SRGAP2C: variants seen among roughly 807,000 people sequenced by gnomAD.
SRGAP2C encodes SLIT-ROBO Rho GTPase-activating protein 2C.
A neutral mutation model predicts 25.1 loss-of-function variants in SRGAP2C; 15 were observed. The observed-to-expected ratio is 0.60, with a 90% confidence interval of 0.40 to 0.92. The LOEUF is 0.92. SRGAP2C is among the 40% of genes least tolerant of loss of function. SRGAP2C has a pLI of 0.00. For synonymous variants in SRGAP2C, 44 were observed against 96.6 expected, an observed-to-expected ratio of 0.46 and a Z score of 3.19; for missense variants, 144 against 264.4, an observed-to-expected ratio of 0.54 and a Z score of 3.16.
In SRGAP2C at chr1:121,263,025, T is replaced by A. The variant is rs1488005856; in HGVS notation, c.68-21778T>A. Among the ~76,000 whole-genome samples, 4 of 151,828 alleles carry A rather than the reference T, an allele frequency of 2.6e-5. 1 individual carries two copies. Among genetic ancestry groups the A allele is most frequent in the Non-Finnish European group, 4.4e-5 (3 of 67,942 alleles). On this transcript the variant is annotated intron_variant, in intron 2 of 9. Coordinates refer to ENST00000367123, the MANE Select transcript of SRGAP2C (RefSeq NM_001329984.2). ...GTAAAATAATTTAAAACCATTTTTT[T>A]ATCATATCTTTAAAAAATACTGGCA... is the stretch of plus-strand genomic sequence containing the variant.
chr1:121,244,016 G>A (rs1464105145), intron 2 of SRGAP2C, among the ~76,000 whole-genome samples: 1,730 of 144,982 alleles, frequency 0.012, 15 homozygotes, highest in Non-Finnish European at 0.02. Context: ...GGAGGAAGGT[G>A]TTAGTTGCCA....
In SRGAP2C at chr1:121,261,094, A is replaced by ATTTTTTTTTTTTTTTTTTTT. The variant is rs1211026484; in HGVS notation, c.68-23699_68-23680dup. Among the ~76,000 whole-genome samples the ATTTTTTTTTTTTTTTTTTTT allele has an allele frequency of 1.9e-4, 5 of 26,264 alleles. 1 individual carries two copies. Among genetic ancestry groups the ATTTTTTTTTTTTTTTTTTTT allele is most frequent in the African/African-American group, 6.1e-4 (4 of 6,552 alleles). The allele number at this position is 26,264 out of a possible 152,430, so 17.2% of individuals were successfully genotyped here. On this transcript the variant is annotated intron_variant, in intron 2 of 9. Transcript: ENST00000367123. Reference sequence around the variant, plus strand: ...CAGACATGCACCACCACACCTGGCTATTTTTTTTTTTTTTTTTTTTTTTTT... The same window carrying ATTTTTTTTTTTTTTTTTTTT: ...CAGACATGCACCACCACACCTGGCTATTTTTTTTTTTTTTTTTTTTTTTTTTTTTTTTTTTTTTTTTTTTT...
chr1:121,208,878 A>C (rs1655182099), intron 2 of SRGAP2C, among the ~76,000 whole-genome samples: 2 of 151,880 alleles, frequency 1.3e-5, no homozygotes, highest in Admixed American at 1.3e-4. Context: ...CTAATTTCAC[A>C]GATGTCTTCT....
rs1320008485 is a variant in SRGAP2C, at chr1:121,286,641, T to C, written c.260+1646T>C. Among the ~76,000 whole-genome samples the C allele has an allele frequency of 5.9e-5, 9 of 152,368 alleles. No individual in the cohort carries two copies. The East Asian group carries it at 1.7e-3, about 29-fold the overall frequency. ...AGAAATGCAGTATCTCAGGTCCTAC[T>C]CCAGTCCTACTATAACAAGATCCCA... On this transcript the variant is annotated intron_variant, in intron 3 of 9. Transcript: ENST00000367123.
chr1:121,248,493 C>A (rs1487067874), intron 2 of SRGAP2C, among the ~76,000 whole-genome samples: 1 of 140,054 alleles, frequency 7.1e-6, no homozygotes, highest in East Asian at 2.0e-4. Context: ...GTCGCCCAGG[C>A]TGGAGTGCAG....
chr1:121,198,995 T>C (rs1274840332), intron 2 of SRGAP2C, among the ~76,000 whole-genome samples: 2 of 152,194 alleles, frequency 1.3e-5, no homozygotes, highest in Non-Finnish European at 2.9e-5. Context: ...CCCTGTAAGA[T>C]GGGAACAACA....
At chr1:121,362,533 GTTAT>G (rs1659220069) in intron 4 of SRGAP2C, among the ~76,000 whole-genome samples, 1 of 149,796 alleles carries the variant, frequency 6.7e-6, no homozygotes, top group Non-Finnish European at 1.5e-5. Context: ...CTGGGGCTAG[GTTAT>G]TTAAGTCATG....
At chr1:121,372,746 AAC>A (rs1319067279) in intron 5 of SRGAP2C, among the ~76,000 whole-genome samples, 2 of 68,870 alleles carry the variant, frequency 2.9e-5, no homozygotes, top group African/African-American at 7.2e-5. Context: ...TAGAAATAAT[AAC>A]AGTGTCTTTC....
chr1:121,347,624 C>T (rs1471080329), intron 4 of SRGAP2C, among the ~76,000 whole-genome samples: 1 of 152,232 alleles, frequency 6.6e-6, no homozygotes, highest in Non-Finnish European at 1.5e-5. Flanking sequence ...GGCTGCAAAG[C>T]CCTAATGCCA....
chr1:121,350,122 T>C (rs1658864940), intron 4 of SRGAP2C, among the ~76,000 whole-genome samples: 1 of 151,442 alleles, frequency 6.6e-6, no homozygotes, highest in Non-Finnish European at 1.5e-5. Context: ...AATATGGAAA[T>C]TTAAGGCCCA....
rs1319487767 is a variant in SRGAP2C at position 121,390,679 on chromosome 1, T to C, written c.*2824T>C. 3 of 95,694 alleles carry C rather than the reference T, an allele frequency of 3.1e-5. No individual in the cohort carries two copies. Among genetic ancestry groups the C allele is most frequent in the Admixed American group, 1.2e-4 (1 of 8,558 alleles). The allele number at this position is 95,694 out of a possible 1,614,324, so 5.9% of individuals were successfully genotyped here. On this transcript the variant is annotated 3_prime_UTR_variant, in exon 10 of 10. Transcript: ENST00000367123. ...GCTTGCAAGAGTCTCAGGAAAATAA[T>C]TGTGGAGTTAAGAAACTTGAAGCGA...
At chr1:121,354,298 CTTTCTT>C (rs1658998853) in intron 4 of SRGAP2C, among the ~76,000 whole-genome samples, 1 of 62,156 alleles carries the variant, frequency 1.6e-5, no homozygotes, top group Admixed American at 1.7e-4. Flanking sequence ...TTCTTTCTTT[CTTTCTT>C]TCTTTCTTTC....
chr1:121,271,657 A>AT (rs1340069063), intron 2 of SRGAP2C, among the ~76,000 whole-genome samples: 22 of 97,642 alleles, frequency 2.3e-4, no homozygotes, highest in African/African-American at 8.8e-4. Context: ...CACAACCAGC[A>AT]TTTAAAAAGT....
chr1:121,222,080 A>G (rs1570716179), intron 2 of SRGAP2C, among the ~76,000 whole-genome samples: 1 of 151,864 alleles, frequency 6.6e-6, no homozygotes, highest in African/African-American at 2.4e-5. Flanking sequence ...TTAGAGGCTT[A>G]AAAACAAAAA....
chr1:121,285,379 A>G (rs1225723745), intron 3 of SRGAP2C, among the ~76,000 whole-genome samples: 91 of 119,894 alleles, frequency 7.6e-4, no homozygotes, highest in African/African-American at 2.8e-3. Flanking sequence ...CTCAGGGTCT[A>G]TCTTAATCTC....
intron 2 of SRGAP2C, among the ~76,000 whole-genome samples, chr1:121,211,532 G>T (rs1274082289): frequency 6.7e-6 from 1 of 149,216 alleles, no homozygotes; most frequent in Non-Finnish European, 1.5e-5. Flanking sequence ...TTAAATAGCT[G>T]ATTTATGCCT....
intron 4 of SRGAP2C, among the ~76,000 whole-genome samples, chr1:121,355,277 G>A (rs1448667231): frequency 2.3e-4 from 33 of 142,366 alleles, no homozygotes; most frequent in Non-Finnish European, 2.0e-4. Context: ...TGGATACTGC[G>A]CCTGACAACT....
intron 4 of SRGAP2C, among the ~76,000 whole-genome samples, chr1:121,329,719 T>C (rs1658394041): frequency 6.7e-6 from 1 of 150,258 alleles, no homozygotes; most frequent in South Asian, 2.1e-4. Flanking sequence ...TTGCTAGCCC[T>C]CTGGTTTGTG....
chr1:121,378,859 T>C (rs1659739580), intron 7 of SRGAP2C, among the ~76,000 whole-genome samples: 2 of 152,198 alleles, frequency 1.3e-5, no homozygotes, highest in African/African-American at 4.8e-5. Context: ...TATAGTATAG[T>C]ACAAGATTTA....
Sources: gnomAD v4.1 joint callset for allele counts (sites outside exome capture counted in the v4.1 genomes callset) on GRCh38, gnomAD v4.1.1 for gene constraint, MANE v1.5 for transcripts, NCBI Gene and HGNC (gene_info 2026-07-23, HGNC 2026-07-21) for gene names.